LTAP1: variants seen among roughly 807,000 people sequenced by gnomAD.
The protein encoded by LTAP1 is HCV NS5A-transactivated protein 4.
At chr1:154,209,533 C>A in the LTAP1 span, among the ~76,000 whole-genome samples, 1 of 149,642 alleles carries the variant, frequency 6.7e-6, no homozygotes, top group Non-Finnish European at 1.5e-5. Context: ...ACAAGTGGTA[C>A]ACGCACCTCA....
chr1:154,220,025 CCA>C, the LTAP1 span: 2 of 1,152,686 alleles, frequency 1.7e-6, no homozygotes, highest in Non-Finnish European at 2.5e-6. Flanking sequence ...TTCCAAATCC[CCA>C]GATTCCGGCT....
At chr1:154,215,422 C>T in the LTAP1 span, among the ~76,000 whole-genome samples, 4 of 151,806 alleles carry the variant, frequency 2.6e-5, no homozygotes, top group African/African-American at 9.7e-5. Context: ...AAAAATTAGC[C>T]GGGCGTTGTG....
At chr1:154,212,850 C>T in the LTAP1 span, 1 of 494,742 alleles carries the variant, frequency 2.0e-6, no homozygotes, top group Non-Finnish European at 3.6e-6. Flanking sequence ...TTAGTAGAGA[C>T]AAAAATACAA....
At chr1:154,220,436 G>A in the LTAP1 span, 2 of 1,613,918 alleles carry the variant, frequency 1.2e-6, no homozygotes, top group Admixed American at 3.3e-5. Context: ...AGAATTGTTC[G>A]GGTTTACCCC....
At chr1:154,210,967 A>G in the LTAP1 span, among the ~76,000 whole-genome samples, 2 of 152,112 alleles carry the variant, frequency 1.3e-5, no homozygotes. Context: ...CATGGTTACT[A>G]ATACTTTAAG....
the LTAP1 span, chr1:154,220,103 A>C: frequency 4.1e-6 from 3 of 727,008 alleles, no homozygotes; most frequent in Non-Finnish European, 6.8e-6. Context: ...TGGATCTAAG[A>C]AGCCAGCAGC....
At chr1:154,210,984 TA>T in the LTAP1 span, among the ~76,000 whole-genome samples, 1 of 152,132 alleles carries the variant, frequency 6.6e-6, no homozygotes, top group Non-Finnish European at 1.5e-5. Flanking sequence ...TAAGTGGTAG[TA>T]AAAATAGATT....
At chr1:154,207,616 T>C in the LTAP1 span, 1 of 1,611,928 alleles carries the variant, frequency 6.2e-7, no homozygotes, top group Non-Finnish European at 8.5e-7. Flanking sequence ...TGACTGGTGA[T>C]GTCGCTGAGA....
the LTAP1 span, chr1:154,213,897 G>A: frequency 1.2e-6 from 2 of 1,612,802 alleles, no homozygotes; most frequent in Non-Finnish European, 1.7e-6. Context: ...CCTTACCAGA[G>A]GTACGAATGG....
At chr1:154,209,747 C>T in the LTAP1 span, among the ~76,000 whole-genome samples, 9 of 151,720 alleles carry the variant, frequency 5.9e-5, no homozygotes, top group South Asian at 2.1e-4. Flanking sequence ...CCACCACGCC[C>T]GGCTAATTTT....
chr1:154,216,953 A>G, the LTAP1 span, among the ~76,000 whole-genome samples: 1 of 143,168 alleles, frequency 7.0e-6, no homozygotes, highest in South Asian at 2.3e-4. Context: ...CTGGCCTTAA[A>G]TTTTTTTTTT....
At chr1:154,216,266 C>T in the LTAP1 span, among the ~76,000 whole-genome samples, 4 of 152,122 alleles carry the variant, frequency 2.6e-5, no homozygotes, top group African/African-American at 7.2e-5. Flanking sequence ...AGATGCTTAG[C>T]TTTGCCTGGT....
chr1:154,219,799 TG>T, the LTAP1 span: 2 of 1,429,184 alleles, frequency 1.4e-6, no homozygotes, highest in East Asian at 4.6e-5. Flanking sequence ...CTAAAAGATC[TG>T]GAGAAGTATG....
the LTAP1 span, chr1:154,212,135 G>T: frequency 1.5e-6 from 1 of 673,418 alleles, no homozygotes; most frequent in Non-Finnish European, 2.6e-6. Context: ...GGGATTATAG[G>T]CGTGAACCAC....
the LTAP1 span, among the ~76,000 whole-genome samples, chr1:154,215,701 T>C: frequency 6.6e-6 from 1 of 152,222 alleles, no homozygotes; most frequent in Non-Finnish European, 1.5e-5. Context: ...TGTAACTTTT[T>C]ACAAACTCCC....
the LTAP1 span, chr1:154,207,642 T>C: frequency 1.2e-6 from 2 of 1,602,460 alleles, no homozygotes; most frequent in Non-Finnish European, 1.7e-6. Context: ...CAATTCGTGC[T>C]TTAACCCTGA....
chr1:154,220,200 C>G, the LTAP1 span: 1 of 1,063,694 alleles, frequency 9.4e-7, no homozygotes, highest in Non-Finnish European at 1.4e-6. Context: ...GACTTAAACT[C>G]CCACCTACTC....
At chr1:154,214,991 C>T in the LTAP1 span, among the ~76,000 whole-genome samples, 1 of 151,854 alleles carries the variant, frequency 6.6e-6, no homozygotes, top group Non-Finnish European at 1.5e-5. Context: ...ATTATAGGCG[C>T]GTACGACCAT....
At chr1:154,210,640 C>T in the LTAP1 span, among the ~76,000 whole-genome samples, 2 of 151,826 alleles carry the variant, frequency 1.3e-5, no homozygotes, top group Admixed American at 6.6e-5. Context: ...TCATCATGCC[C>T]GGCTAATTTT....
Sources: gnomAD v4.1 joint callset for allele counts (sites outside exome capture counted in the v4.1 genomes callset) on GRCh38, gnomAD v4.1.1 for gene constraint, MANE v1.5 for transcripts, NCBI Gene and HGNC (gene_info 2026-07-23, HGNC 2026-07-21) for gene names.